The following EZR variants were observed in gnomAD, a reference collection of about 807,000 sequenced individuals.
EZR encodes the protein ezrin, also known as cytovillin 2.
EZR carries 40 observed loss-of-function variants against 74.8 expected under a neutral mutation model. The ratio of observed to expected loss-of-function variants is 0.53; its 90% CI spans 0.42 to 0.70. The LOEUF (loss-of-function observed/expected upper bound fraction) is 0.70, where lower values mean the gene tolerates loss of function less well. Ranked by LOEUF, EZR falls within the 30% of genes least tolerant of loss-of-function variation. The pLI is 0.00. For missense variants in EZR, 678 were observed against 755.8 expected, an observed-to-expected ratio of 0.90 and a Z score of 1.21; for synonymous variants, 341 against 283.3, an observed-to-expected ratio of 1.20 and a Z score of -2.05.
At chr6:158,810,399 ACTTCT>A (rs1288481345) in intron 2 of EZR, among the ~76,000 whole-genome samples, 1 of 152,150 alleles carries the variant, frequency 6.6e-6, no homozygotes, top group Non-Finnish European at 1.5e-5. Flanking sequence ...TCCAGGGCAC[ACTTCT>A]CTTCTGTGAA....
In EZR at chr6:158,785,493, G is replaced by A; in HGVS notation, c.283C>T (p.Gln95Ter). 1 of 1,614,188 alleles carries A rather than the reference G, an allele frequency of 6.2e-7. No individual in the cohort carries two copies. Residue 95 changes from glutamine (Q) to a stop codon, truncating the protein, a stop_gained, in exon 5 of 14, where the codon CAG (glutamine) becomes TAG (stop). Transcript: ENST00000367075. LOFTEE classifies it high-confidence loss of function. Reference sequence around the variant, plus strand: ...AAGAAAAGTTTCTGGGTGATGTCCTGGATGAGCTCCTCAGCCACATCTTCA... The same window carrying A: ...AAGAAAAGTTTCTGGGTGATGTCCTAGATGAGCTCCTCAGCCACATCTTCA... ...YPEDVAEELI[Q>*]DITQKLFFLQ...
chr6:158,770,779 T>C lies in EZR; in HGVS notation c.1075A>G (p.Lys359Glu), dbSNP rs1192316923. 1.9e-6 allele frequency: 3 copies of C among 1,614,070 alleles called. No individual in the cohort carries two copies. The highest frequency in any genetic ancestry group is 1.3e-5 in the African/African-American group (1 of 74,928). Residue 359 changes from lysine to glutamate, a missense_variant, in exon 10 of 14, where the codon AAG (lysine) becomes GAG (glutamate). Transcript: ENST00000367075. ...LRLQDYEEKT[K>E]KAERELSEQI... ...GGCGCCTGACCTCTCTCTGCCTTCTTTGTCTTCTCCTCATAGTCCTGCAGC... is the reference window on the plus strand; with the variant it reads ...GGCGCCTGACCTCTCTCTGCCTTCTCTGTCTTCTCCTCATAGTCCTGCAGC...
At chr6:158,771,211 C>T (rs765294217) in intron 9 of EZR, 33 bp downstream of exon 9, 1 of 1,576,112 alleles carries the variant, frequency 6.3e-7, no homozygotes, top group Non-Finnish European at 8.6e-7. Context: ...TGGGAGAACA[C>T]AGGCCCCCCC....
chr6:158,783,675 G>A lies in EZR; in HGVS notation c.552-9C>T. ...CCAACATAGCATTATCTCTAATTGG[G>A]GAGAGTGAAACAGGCAGAGTCACTG... On this transcript the variant is annotated splice_polypyrimidine_tract_variant and intron_variant, in intron 6 of 13. Transcript: ENST00000367075. 1 of 1,612,560 alleles carries A rather than the reference G, an allele frequency of 6.2e-7. No individual in the cohort carries two copies. The highest frequency in any genetic ancestry group is 2.2e-5 in the East Asian group (1 of 44,864).
chr6:158,767,661 G>T (rs1045160058), intron 12 of EZR, 149 bp from the exon 13 acceptor site: 4 of 711,956 alleles, frequency 5.6e-6, no homozygotes, highest in African/African-American at 3.6e-5. Context: ...GCACCCTCAG[G>T]GTGCATGGGG....
chr6:158,788,976 T>G (rs1391837596), intron 3 of EZR, among the ~76,000 whole-genome samples: 4 of 152,144 alleles, frequency 2.6e-5, no homozygotes, highest in Admixed American at 6.5e-5. Flanking sequence ...CAGCACCTCC[T>G]TACAATGACA....
intron 2 of EZR, among the ~76,000 whole-genome samples, chr6:158,790,034 GA>G (rs1359407693): frequency 2.0e-5 from 3 of 152,192 alleles, no homozygotes; most frequent in Admixed American, 6.5e-5. Context: ...AGGCACCAAG[GA>G]AGTCAGAGAA....
At chr6:158,784,768 T>C (rs1791525706) in intron 5 of EZR, 41 bp from the exon 6 acceptor site, 4 of 1,581,010 alleles carry the variant, frequency 2.5e-6, no homozygotes, top group Non-Finnish European at 2.6e-6. Flanking sequence ...CCTTAAGGAA[T>C]GTGACAGGCA....
intron 2 of EZR, among the ~76,000 whole-genome samples, chr6:158,791,189 A>G (rs1445799264): frequency 6.6e-6 from 1 of 152,236 alleles, no homozygotes; most frequent in Non-Finnish European, 1.5e-5. Context: ...CAACAAGTAC[A>G]GAAGTATCGT....
chr6:158,783,781 G>A, intron 6 of EZR, 115 bp from the exon 7 acceptor site: 1 of 1,137,428 alleles, frequency 8.8e-7, no homozygotes, highest in South Asian at 1.5e-5. Context: ...GCTCAATGCT[G>A]TGTGCTGCGT....
chr6:158,805,976 C>T (rs1365922914), intron 2 of EZR, among the ~76,000 whole-genome samples: 1 of 152,190 alleles, frequency 6.6e-6, no homozygotes, highest in Non-Finnish European at 1.5e-5. Flanking sequence ...CTGAGAAAAT[C>T]GCTATTAAGA....
At chr6:158,809,251 A>G (rs1452932338) in intron 2 of EZR, among the ~76,000 whole-genome samples, 1 of 152,226 alleles carries the variant, frequency 6.6e-6, no homozygotes, top group East Asian at 1.9e-4. Context: ...TACTTTAGAC[A>G]GGGTGTTCTG....
In EZR at chr6:158,787,176, C is replaced by A. The variant is rs1362770303; in HGVS notation, c.124G>T (p.Val42Leu). The A allele has an allele frequency of 6.2e-7, 1 of 1,613,380 alleles. No homozygotes were observed. The highest frequency in any genetic ancestry group is 1.3e-5 in the African/African-American group (1 of 75,030). Reference sequence around the variant, plus strand: ...ACATAGTGGAGGCCAAAGTACCACACTTCCCGGAGGCCGATAGTCTTTACC... The same window carrying A: ...ACATAGTGGAGGCCAAAGTACCACAATTCCCGGAGGCCGATAGTCTTTACC... ...QVVKTIGLRE[V>L]WYFGLHYVDN... The change falls in exon 4 of 14, where the codon GTG becomes TTG. Residue 42 changes from valine (V) to leucine (L), a missense_variant. Val to Leu is a conservative substitution (Grantham distance 32). Transcript: ENST00000367075.
At chr6:158,812,566 G>C (rs1359914607) in intron 2 of EZR, among the ~76,000 whole-genome samples, 1 of 152,058 alleles carries the variant, frequency 6.6e-6, no homozygotes, top group African/African-American at 2.4e-5. Context: ...ATATACTAGG[G>C]AAAACAAAAA....
At chr6:158,784,182 T>G (rs1215517356) in intron 6 of EZR, among the ~76,000 whole-genome samples, 1 of 152,158 alleles carries the variant, frequency 6.6e-6, no homozygotes, top group Non-Finnish European at 1.5e-5. Flanking sequence ...ACACCCAGAA[T>G]CAGGTGGCTC....
intron 7 of EZR, among the ~76,000 whole-genome samples, chr6:158,778,648 G>A (rs1385226432): frequency 6.6e-6 from 1 of 152,160 alleles, no homozygotes; most frequent in Non-Finnish European, 1.5e-5. Context: ...AGAGGCCTTT[G>A]GAGAAATGGC....
chr6:158,817,964 T>C, intron 2 of EZR, 118 bp downstream of exon 2: 6 of 963,314 alleles, frequency 6.2e-6, no homozygotes, highest in East Asian at 2.7e-5. Flanking sequence ...ATTCCTATCG[T>C]CTTCTGCGTG....
At chr6:158,813,615 A>G (rs1299502941) in intron 2 of EZR, among the ~76,000 whole-genome samples, 4 of 152,254 alleles carry the variant, frequency 2.6e-5, no homozygotes, top group Non-Finnish European at 5.9e-5. Context: ...AGGGGGGAGT[A>G]CATTCAGTAA....
At chr6:158,770,641 T>G (rs2128565851) in intron 10 of EZR, 123 bp downstream of exon 10, 81 of 1,088,658 alleles carry the variant, frequency 7.4e-5, no homozygotes, top group Non-Finnish European at 1.0e-4. Context: ...ATTTCGGCTG[T>G]GAGTCTGCGC....
Sources: gnomAD v4.1 joint callset for allele counts (sites outside exome capture counted in the v4.1 genomes callset) on GRCh38, gnomAD v4.1.1 for gene constraint, MANE v1.5 for transcripts, NCBI Gene and HGNC (gene_info 2026-07-23, HGNC 2026-07-21) for gene names.